Variants in P4HA3 observed in about 807,000 individuals in gnomAD.
P4HA3 encodes prolyl 4-hydroxylase subunit alpha 3.
A neutral mutation model predicts 66.7 loss-of-function variants in P4HA3; 60 were observed. The observed-to-expected ratio is 0.90, with a 90% CI of 0.73 to 1.12. The LOEUF (loss-of-function observed/expected upper bound fraction) is 1.12, where lower values mean the gene tolerates loss of function less well. P4HA3 is among the 50% of genes most tolerant of loss of function. P4HA3 has a pLI of 0.00. For missense variants in P4HA3, 683 were observed against 685.8 expected (o/e 1.00, Z 0.05); for synonymous variants, 263 against 274.6 (o/e 0.96, Z 0.42).
intron 10 of P4HA3, among the ~76,000 whole-genome samples, chr11:74,271,935 AATG>A (rs774449394): frequency 4.3e-4 from 66 of 152,138 alleles, no homozygotes; most frequent in Admixed American, 7.9e-4. Flanking sequence ...TGTGGGATAC[AATG>A]ACAGAAACAT....
At position 74,277,005 on chromosome 11, in the gene P4HA3, G is replaced by A. The variant is rs761234720; in HGVS notation, c.1315C>T (p.Pro439Ser). Residue 439 changes from proline to serine, a missense_variant, in exon 9 of 13, where the codon CCT (proline) becomes TCT (serine). Physicochemically the swap from Pro to Ser is moderately conservative, Grantham distance 74. Coordinates refer to ENST00000331597, the MANE Select transcript of P4HA3 (RefSeq NM_182904.5). Reference sequence around the variant, plus strand: ...ATTACCGTAGCATGGTCAAAGTGAGGCTCATAGTGTCCTCCGATGCCATAG... The same window carrying A: ...ATTACCGTAGCATGGTCAAAGTGAGACTCATAGTGTCCTCCGATGCCATAG... ...VNYGIGGHYE[P>S]HFDHATSPSS... The A allele has an allele frequency of 6.2e-7, 1 of 1,613,882 alleles. No homozygotes were observed. Among genetic ancestry groups the A allele is most frequent in the South Asian group, 1.1e-5 (1 of 91,058 alleles).
At chr11:74,271,261 A>G (rs1368851957) in intron 10 of P4HA3, among the ~76,000 whole-genome samples, 1 of 152,222 alleles carries the variant, frequency 6.6e-6, no homozygotes, top group Non-Finnish European at 1.5e-5. Context: ...AAAGCCGATG[A>G]GAACAACAAT....
Position 74,273,559 on chromosome 11 carries a change from T to C in P4HA3, c.1384A>G (p.Thr462Ala), listed in dbSNP as rs1860280102. Residue 462 changes from threonine to alanine, a missense_variant, in exon 10 of 13, where the codon ACA (threonine) becomes GCA (alanine). Coordinates refer to ENST00000331597, the MANE Select transcript of P4HA3 (RefSeq NM_182904.5). ...YRMKSGNRVA[T>A]FMIYLSSVEA... ...GCAATACTCACATAGATCATAAATG[T>C]TGCAACTCGGTTTCCTGACTTCATT... 3 of 1,561,716 alleles carry C rather than the reference T, an allele frequency of 1.9e-6. No homozygotes were observed. Among genetic ancestry groups the C allele is most frequent in the Admixed American group, 1.9e-5 (1 of 51,580 alleles).
At chr11:74,271,665 G>A (rs972351266) in intron 10 of P4HA3, among the ~76,000 whole-genome samples, 3 of 152,028 alleles carry the variant, frequency 2.0e-5, no homozygotes, top group Non-Finnish European at 4.4e-5. Context: ...CCCAGATTGG[G>A]ACTGATCTTA....
At chr11:74,275,530 A>ATG (rs1378844236) in intron 9 of P4HA3, among the ~76,000 whole-genome samples, 1 of 152,182 alleles carries the variant, frequency 6.6e-6, no homozygotes, top group East Asian at 1.9e-4. Context: ...CCATTGACAT[A>ATG]TGTGTCTCTC....
intron 15 of P4HA3, among the ~76,000 whole-genome samples, chr11:74,256,660 A>C (rs1161125595): frequency 6.6e-6 from 1 of 152,200 alleles, no homozygotes; most frequent in Non-Finnish European, 1.5e-5. Context: ...ATAAAGAAGG[A>C]GATCCCAGAA....
chr11:74,296,615 A>C (rs2134801054), intron 4 of P4HA3, among the ~76,000 whole-genome samples: 1 of 152,342 alleles, frequency 6.6e-6, no homozygotes, highest in Middle Eastern at 3.4e-3. Flanking sequence ...GTGCCTTGTA[A>C]CATAAACAGG....
chr11:74,284,290 C>T (rs1860705369), intron 7 of P4HA3, among the ~76,000 whole-genome samples: 1 of 152,226 alleles, frequency 6.6e-6, no homozygotes. Flanking sequence ...AGAATTAGAA[C>T]CTTGCTGTTA....
At chr11:74,280,746 G>A (rs1860564166) in intron 7 of P4HA3, among the ~76,000 whole-genome samples, 1 of 152,142 alleles carries the variant, frequency 6.6e-6, no homozygotes, top group African/African-American at 2.4e-5. Context: ...GTGCTTCACA[G>A]GCAGGCAGAG....
intron 7 of P4HA3, among the ~76,000 whole-genome samples, chr11:74,281,577 A>G (rs1174745319): frequency 1.3e-5 from 2 of 152,276 alleles, no homozygotes; most frequent in East Asian, 1.9e-4. Context: ...CTTTGTAGGG[A>G]CATGGATGAA....
At position 74,302,435 on chromosome 11, in the gene P4HA3, G is replaced by A. The variant is rs1861436780; in HGVS notation, c.501C>T (p.Ile167=). ...GVFQRVTGSA[I]TDLYSPKRLF... is the part of the protein sequence containing the mutation. ...GCCGTTTGGGGCTGTACAGGTCAGT[G>A]ATGGCAGAGCCAGTGACTCTCTGAA... Residue 167 remains isoleucine, a synonymous_variant, in exon 3 of 13, where the codon ATC becomes ATT. Coordinates refer to ENST00000331597, the MANE Select transcript of P4HA3 (RefSeq NM_182904.5). 7 of 1,614,158 alleles carry A rather than the reference G, an allele frequency of 4.3e-6. No individual in the cohort carries two copies. Among genetic ancestry groups the A allele is most frequent in the Non-Finnish European group, 5.9e-6 (7 of 1,180,020 alleles).
intron 15 of P4HA3, chr11:74,255,848 T>C: frequency 2.2e-6 from 1 of 446,882 alleles, no homozygotes; most frequent in Non-Finnish European, 4.5e-6. Context: ...TGATGAAATA[T>C]TTCAGGGTAG....
In P4HA3 at chr11:74,253,564, C is replaced by T. The variant is rs918467896; in HGVS notation, c.*1319-5563G>A. ...CGAGCTCTGTTGTAAATACGTCGCA[C>T]CAGAGGCCACTGTGATGCCACTGTC... On this transcript the variant is annotated intron_variant and NMD_transcript_variant, in intron 15 of 15. Transcript: ENST00000524388. 22 of 1,545,974 alleles carry T rather than the reference C, an allele frequency of 1.4e-5. No individual in the cohort carries two copies. The South Asian group carries it at 2.3e-4, about 16-fold the overall frequency.
intron 4 of P4HA3, among the ~76,000 whole-genome samples, chr11:74,295,967 A>C (rs1366354168): frequency 6.6e-6 from 1 of 152,266 alleles, no homozygotes. Context: ...GAGTCTTGTA[A>C]TAAAGTAAAA....
intron 5 of P4HA3, chr11:74,287,256 G>A: frequency 7.8e-7 from 1 of 1,289,370 alleles, no homozygotes; most frequent in Non-Finnish European, 1.0e-6. Flanking sequence ...ATCTTTCTCT[G>A]AGGAGCCCAG....
At chr11:74,277,258 G>A in intron 8 of P4HA3, 114 bp from the exon 9 acceptor site, 4 of 1,327,316 alleles carry the variant, frequency 3.0e-6, no homozygotes, top group Non-Finnish European at 4.2e-6. Context: ...AAGGAAGGAT[G>A]GAAGGAAGGA....
At position 74,311,538 on chromosome 11, in the gene P4HA3, G is replaced by T; in HGVS notation, c.74C>A (p.Ala25Glu). The T allele has an allele frequency of 6.5e-7, 1 of 1,545,870 alleles. No homozygotes were observed. The highest frequency in any genetic ancestry group is 8.7e-7 in the Non-Finnish European group (1 of 1,155,518). Residue 25 changes from alanine (A) to glutamate (E), a missense_variant, in exon 1 of 13, where the codon GCG (alanine) becomes GAG (glutamate). Transcript: ENST00000331597. ...ALGTGDPERA[A>E]ARGDTFSALT... is the part of the protein sequence containing the mutation. ...CGCCGAGAACGTGTCGCCCCGAGCC[G>T]CAGCCCTTTCTGGGTCTCCTGTCCC...
At chr11:74,290,138 A>G (rs1440542786) in intron 4 of P4HA3, among the ~76,000 whole-genome samples, 11 of 151,928 alleles carry the variant, frequency 7.2e-5, no homozygotes, top group Non-Finnish European at 1.2e-4. Flanking sequence ...TCGCCATTCT[A>G]ACTGGTGTGA....
intron 15 of P4HA3, chr11:74,254,819 C>CA (rs1463265316): frequency 6.6e-6 from 1 of 152,554 alleles, no homozygotes; most frequent in African/African-American, 2.4e-5. Context: ...TATAGCCCTT[C>CA]AGTGTGTTAT....
Sources: allele counts gnomAD v4.1 joint callset (sites outside exome capture counted in the v4.1 genomes callset), GRCh38; gene constraint gnomAD v4.1.1; transcripts MANE v1.5; gene names NCBI Gene and HGNC (gene_info 2026-07-23, HGNC 2026-07-21).